Variants in MECR observed in about 807,000 individuals in gnomAD.
The protein encoded by MECR is enoyl-[acyl-carrier-protein] reductase, mitochondrial.
A neutral mutation model predicts 49.1 loss-of-function variants in MECR; 37 were observed. The observed-to-expected ratio is 0.75, with a 90% CI of 0.58 to 0.99. The LOEUF is 0.99. Ranked by LOEUF, MECR falls within the 50% of genes least tolerant of loss-of-function variation. The pLI is 0.00. For synonymous variants in MECR, 198 were observed against 191.1 expected, an observed-to-expected ratio of 1.04 and a Z score of -0.30; for missense variants, 470 against 479.6, an observed-to-expected ratio of 0.98 and a Z score of 0.19.
chr1:29,179,080 G>A, the MECR span, among the ~76,000 whole-genome samples: 1 of 152,082 alleles, frequency 6.6e-6, no homozygotes, highest in African/African-American at 2.4e-5. Context: ...GTCCTGAAAG[G>A]CTCTTTCCTC....
At chr1:29,228,089 G>A (rs1483265234) in intron 1 of MECR, among the ~76,000 whole-genome samples, 2 of 152,120 alleles carry the variant, frequency 1.3e-5, no homozygotes, top group Admixed American at 6.5e-5. Flanking sequence ...AAGCACTACA[G>A]GTCAAGCTGG....
chr1:29,176,008 T>G, the MECR span, among the ~76,000 whole-genome samples: 1 of 151,928 alleles, frequency 6.6e-6, no homozygotes, highest in African/African-American at 2.4e-5. Context: ...ATCCCAGCAC[T>G]TTGGGAGGCC....
At chr1:29,188,811 T>TC, downstream of MECR, among the ~76,000 whole-genome samples, 1 of 152,098 alleles carries the variant, frequency 6.6e-6, no homozygotes. Context: ...GGCTAATTTT[T>TC]GCATTTTTAA....
At chr1:29,200,326 C>T in intron 7 of MECR, 190 bp downstream of exon 7, 1 of 485,390 alleles carries the variant, frequency 2.1e-6, no homozygotes, top group Non-Finnish European at 3.6e-6. Context: ...AAATTTTGGT[C>T]ATCTGCAAAG....
At chr1:29,199,658 A>G (rs1478819888) in intron 7 of MECR, among the ~76,000 whole-genome samples, 1 of 149,258 alleles carries the variant, frequency 6.7e-6, no homozygotes, top group African/African-American at 2.5e-5. Flanking sequence ...TCCCTTTGTC[A>G]CCCAGGCTGG....
intron 1 of MECR, among the ~76,000 whole-genome samples, chr1:29,226,990 ACT>A (rs1682251969): frequency 1.7e-5 from 2 of 119,640 alleles, no homozygotes; most frequent in Admixed American, 1.1e-4. Context: ...ACACAGCCTC[ACT>A]CTGTCGCTGA....
At chr1:29,183,815 T>C in the MECR span, among the ~76,000 whole-genome samples, 2 of 152,056 alleles carry the variant, frequency 1.3e-5, no homozygotes, top group Admixed American at 1.3e-4. Flanking sequence ...ATTTATGGGA[T>C]CAATTTATCC....
intron 7 of MECR, among the ~76,000 whole-genome samples, chr1:29,196,649 C>T (rs1674069093): frequency 6.6e-6 from 1 of 152,094 alleles, no homozygotes; most frequent in East Asian, 1.9e-4. Context: ...GATCGCACTA[C>T]TGCACTCCAG....
chr1:29,201,525 A>G lies in MECR; in HGVS notation c.756+418T>C. On this transcript the variant is annotated intron_variant, in intron 6 of 9. Transcript: ENST00000263702. The surrounding 1 kb of genome is among the most constrained non-coding windows in gnomAD (Gnocchi z 4.3). ...TGAGTCTTAGTTTCCTAATCTGTAA[A>G]ACAGATAACAGTTCCTTTGAAAAGC... The G allele has an allele frequency of 2.2e-6, 1 of 464,920 alleles. No homozygotes were observed. Among genetic ancestry groups the G allele is most frequent in the South Asian group, 1.6e-5 (1 of 62,168 alleles). The allele number at this position is 464,920 out of a possible 1,614,324, so 28.8% of individuals were successfully genotyped here.
the MECR span, chr1:29,181,804 G>C: frequency 2.7e-6 from 4 of 1,475,502 alleles, no homozygotes; most frequent in Non-Finnish European, 3.6e-6. Flanking sequence ...CTTAGGCGGC[G>C]GCGGGCAAAG....
intron 3 of MECR, among the ~76,000 whole-genome samples, chr1:29,207,815 T>A (rs1050504530): frequency 6.6e-6 from 1 of 152,156 alleles, no homozygotes; most frequent in African/African-American, 2.4e-5. Context: ...TCAGAGAGGC[T>A]GCTTCTCTGA....
intron 1 of MECR, chr1:29,221,159 C>T (rs1253140436): frequency 6.6e-6 from 1 of 152,090 alleles, no homozygotes; most frequent in Non-Finnish European, 1.5e-5. Flanking sequence ...ATCATCACAC[C>T]TGTGAATGAC....
chr1:29,183,054 G>A, the MECR span, among the ~76,000 whole-genome samples: 1 of 152,048 alleles, frequency 6.6e-6, no homozygotes, highest in Non-Finnish European at 1.5e-5. Flanking sequence ...TTTGTTTTTT[G>A]AATATTTTGA....
Position 29,206,686 on chromosome 1 carries a change from T to C in MECR, c.550+76A>G, listed in dbSNP as rs557796855. On this transcript the variant is annotated intron_variant, in intron 4 of 9. Coordinates refer to ENST00000263702, the MANE Select transcript of MECR (RefSeq NM_016011.5). Reference sequence around the variant, plus strand: ...AAAACCTCCACCTTGCAAGTTCTCCTGGCCTTGGGGTCAGGATGTGAGTGG... The same window carrying C: ...AAAACCTCCACCTTGCAAGTTCTCCCGGCCTTGGGGTCAGGATGTGAGTGG... 25 of 1,550,322 alleles carry C rather than the reference T, an allele frequency of 1.6e-5. No homozygotes were observed. The East Asian group carries it at 5.7e-4, about 35-fold the overall frequency.
intron 1 of MECR, among the ~76,000 whole-genome samples, chr1:29,225,269 C>A (rs1366415372): frequency 6.6e-6 from 1 of 152,092 alleles, no homozygotes; most frequent in East Asian, 1.9e-4. Flanking sequence ...ACGGACTGAT[C>A]ACACACACCA....
the MECR span, among the ~76,000 whole-genome samples, chr1:29,182,692 C>T: frequency 6.6e-6 from 1 of 152,184 alleles, no homozygotes; most frequent in African/African-American, 2.4e-5. Context: ...TACAGGCGCC[C>T]GCCCCCACGC....
intron 1 of MECR, 25 bp downstream of exon 1, chr1:29,230,706 C>G (rs1021381741): frequency 6.4e-7 from 1 of 1,556,704 alleles, no homozygotes. Context: ...CAGTCCCCTT[C>G]CCCGGCTTCG....
chr1:29,207,208 G>A (rs1008380421), intron 3 of MECR, among the ~76,000 whole-genome samples: 3 of 151,948 alleles, frequency 2.0e-5, no homozygotes, highest in South Asian at 2.1e-4. Context: ...TGCAACTTCC[G>A]CCTCCTGGGT....
chr1:29,206,757 C>T lies in MECR; in HGVS notation c.550+5G>A. The T allele has an allele frequency of 1.2e-6, 2 of 1,613,944 alleles. No individual in the cohort carries two copies. Among genetic ancestry groups the T allele is most frequent in the South Asian group, 1.1e-5 (1 of 91,068 alleles). ...GGCCTGCTCCCCCAACCTGTGGGTT[C>T]CTACCTGGCTGCAGTTGCTCGAAGT... On this transcript the variant is annotated splice_donor_5th_base_variant and intron_variant, in intron 4 of 9. Coordinates refer to ENST00000263702, the MANE Select transcript of MECR (RefSeq NM_016011.5).
Sources: gnomAD v4.1 joint callset for allele counts (sites outside exome capture counted in the v4.1 genomes callset) on GRCh38, gnomAD v4.1.1 for gene constraint, Gnocchi (gnomAD v3.1) non-coding constraint, MANE v1.5 for transcripts, NCBI Gene and HGNC (gene_info 2026-07-23, HGNC 2026-07-21) for gene names.